The following EXOC4 variants were observed in gnomAD, a reference collection of about 807,000 sequenced individuals.
EXOC4 encodes SEC8-like 1.
EXOC4 carries 71 observed loss-of-function variants against 107.2 expected under a neutral mutation model. That is an observed-to-expected ratio of 0.66 (90% CI 0.55 to 0.81). The LOEUF is 0.81. EXOC4 is among the 30% of genes least tolerant of loss of function. EXOC4 has a pLI of 0.00. For synonymous variants in EXOC4, 456 were observed against 441.2 expected (o/e 1.03, Z -0.42); for missense variants, 1,108 against 1,189.6 (o/e 0.93, Z 1.01).
At chr7:133,540,259 C>T (rs1800353081) in intron 9 of EXOC4, among the ~76,000 whole-genome samples, 2 of 152,168 alleles carry the variant, frequency 1.3e-5, no homozygotes, top group Non-Finnish European at 1.5e-5. Flanking sequence ...TGTGGTAAAC[C>T]ACATACCATC....
At position 133,672,824 on chromosome 7, in the gene EXOC4, A is replaced by C. The variant is rs148722407; in HGVS notation, c.1514+42683A>C. On this transcript the variant is annotated intron_variant, in intron 10 of 17. Coordinates refer to ENST00000253861, the MANE Select transcript of EXOC4 (RefSeq NM_021807.4). ...CCTTCATTATAGAGCAAGTCACGTA[A>C]GGATTTATCTCTTTGAAACCCAGTC... Among the ~76,000 whole-genome samples the C allele has an allele frequency of 5.0e-3, 758 of 152,338 alleles. 6 individuals carry two copies. The highest frequency in any genetic ancestry group is 0.017 in the African/African-American group (721 of 41,574).
At chr7:133,516,043 T>G (rs1296821549) in intron 9 of EXOC4, among the ~76,000 whole-genome samples, 3 of 152,190 alleles carry the variant, frequency 2.0e-5, no homozygotes, top group Non-Finnish European at 4.4e-5. Context: ...TGGCAGTGCT[T>G]TAAAATACTG....
chr7:133,949,390 C>A (rs1304530407), intron 14 of EXOC4, among the ~76,000 whole-genome samples: 2 of 152,084 alleles, frequency 1.3e-5, no homozygotes, highest in Admixed American at 6.5e-5. Flanking sequence ...GAGTTCTTAA[C>A]CAACATTTTA....
chr7:133,925,432 C>T (rs1208528852), intron 13 of EXOC4, among the ~76,000 whole-genome samples: 1 of 152,060 alleles, frequency 6.6e-6, no homozygotes, highest in African/African-American at 2.4e-5. Flanking sequence ...ATATATTTAT[C>T]CTTTTGAGAT....
chr7:133,264,289 A>C (rs1793663773), intron 1 of EXOC4, among the ~76,000 whole-genome samples: 1 of 152,180 alleles, frequency 6.6e-6, no homozygotes, highest in South Asian at 2.1e-4. Context: ...GGGTGTAGTA[A>C]TTGGCCCTAA....
chr7:133,606,059 G>A (rs1801937890), intron 9 of EXOC4, among the ~76,000 whole-genome samples: 1 of 152,124 alleles, frequency 6.6e-6, no homozygotes, highest in Non-Finnish European at 1.5e-5. Context: ...AAATAAGAAA[G>A]ATAAGGACAG....
intron 11 of EXOC4, among the ~76,000 whole-genome samples, chr7:133,851,529 G>GGGGAAA (rs1245935346): frequency 1.9e-4 from 29 of 152,204 alleles, no homozygotes; most frequent in Non-Finnish European, 2.5e-4. Flanking sequence ...CTCAGAAGGT[G>GGGGAAA]CCATTTGAGC....
chr7:134,050,605 A>G (rs965156935), intron 17 of EXOC4, among the ~76,000 whole-genome samples: 1 of 152,204 alleles, frequency 6.6e-6, no homozygotes, highest in Admixed American at 6.5e-5. Flanking sequence ...TAGAGGATTT[A>G]GCGATTTTGA....
intron 3 of EXOC4, among the ~76,000 whole-genome samples, chr7:133,292,153 T>TG (rs1464407950): frequency 6.6e-6 from 1 of 152,180 alleles, no homozygotes; most frequent in East Asian, 1.9e-4. Context: ...GACACCATCC[T>TG]GGCCAACATG....
At chr7:134,046,587 T>C (rs1031213723) in intron 17 of EXOC4, among the ~76,000 whole-genome samples, 1 of 143,946 alleles carries the variant, frequency 6.9e-6, no homozygotes, top group Non-Finnish European at 1.5e-5. Flanking sequence ...TTCCTTGTGT[T>C]ATCTATTAAT....
At chr7:133,422,251 GAAAAC>G (rs1334898642) in intron 7 of EXOC4, among the ~76,000 whole-genome samples, 1 of 152,110 alleles carries the variant, frequency 6.6e-6, no homozygotes, top group East Asian at 1.9e-4. Flanking sequence ...AGGCAAAACT[GAAAAC>G]AAAACAGAAG....
At chr7:133,749,577 A>C (rs576919446) in intron 10 of EXOC4, among the ~76,000 whole-genome samples, 3 of 152,230 alleles carry the variant, frequency 2.0e-5, no homozygotes, top group Admixed American at 1.3e-4. Context: ...TATTTTTAAT[A>C]GAGATGGGGT....
intron 15 of EXOC4, 126 bp downstream of exon 15, chr7:133,997,759 C>T (rs1369728535): frequency 9.0e-7 from 1 of 1,110,188 alleles, no homozygotes; most frequent in East Asian, 2.6e-5. Flanking sequence ...CCTTTTTACA[C>T]TGAAAGTGAT....
intron 9 of EXOC4, among the ~76,000 whole-genome samples, chr7:133,570,165 A>G (rs1399081275): frequency 6.6e-6 from 1 of 152,194 alleles, no homozygotes; most frequent in Non-Finnish European, 1.5e-5. Context: ...CACAGTGTCA[A>G]TATATAATGT....
chr7:133,798,486 G>A (rs1796862653), intron 10 of EXOC4, among the ~76,000 whole-genome samples: 1 of 148,306 alleles, frequency 6.7e-6, no homozygotes, highest in Admixed American at 6.8e-5. Context: ...CACATAATGA[G>A]TGCTACCATA....
chr7:133,593,245 CACATATCAGCAAG>C (rs1304070462), intron 9 of EXOC4, among the ~76,000 whole-genome samples: 1 of 152,178 alleles, frequency 6.6e-6, no homozygotes, highest in Non-Finnish European at 1.5e-5. Context: ...GAGAATGAAT[CACATATCAGCAAG>C]AAGAGGTTTG....
At chr7:133,664,424 A>G (rs1793765782) in intron 10 of EXOC4, among the ~76,000 whole-genome samples, 1 of 152,134 alleles carries the variant, frequency 6.6e-6, no homozygotes, top group African/African-American at 2.4e-5. Context: ...ATGTCAGTGT[A>G]TGTTGGTCTG....
intron 9 of EXOC4, among the ~76,000 whole-genome samples, chr7:133,553,925 A>AT (rs1213767297): frequency 1.1e-4 from 17 of 152,086 alleles, no homozygotes; most frequent in Admixed American, 1.1e-3. Context: ...CGATCAGGGG[A>AT]TTTTATGTAG....
At chr7:133,639,781 A>G (rs930152368) in intron 10 of EXOC4, among the ~76,000 whole-genome samples, 1 of 152,166 alleles carries the variant, frequency 6.6e-6, no homozygotes, top group Non-Finnish European at 1.5e-5. Flanking sequence ...TTGTGAAAGA[A>G]TAGTAATTTT....
Sources: gnomAD v4.1 joint callset for allele counts (sites outside exome capture counted in the v4.1 genomes callset) on GRCh38, gnomAD v4.1.1 for gene constraint, MANE v1.5 for transcripts, NCBI Gene and HGNC (gene_info 2026-07-23, HGNC 2026-07-21) for gene names.